The following LDLRAD4 variants were observed in gnomAD, a reference collection of about 807,000 sequenced individuals.
LDLRAD4 encodes the protein low density lipoprotein receptor class A domain containing 4.
In LDLRAD4, 5 loss-of-function variants were observed where a neutral mutation model predicts 17.0. The observed-to-expected ratio is 0.29, with a 90% CI of 0.15 to 0.62. LDLRAD4 has a LOEUF of 0.62. Ranked by LOEUF, LDLRAD4 falls within the 20% of genes least tolerant of loss-of-function variation. The pLI, the probability that LDLRAD4 is intolerant of heterozygous loss-of-function variation, is 0.84. For synonymous variants in LDLRAD4, 168 were observed against 171.8 expected (o/e 0.98, Z 0.17); for missense variants, 340 against 424.7 (o/e 0.80, Z 1.75).
At chr18:13,360,920 G>A (rs531295192) in intron 1 of LDLRAD4, among the ~76,000 whole-genome samples, 61 of 152,320 alleles carry the variant, frequency 4.0e-4, no homozygotes, top group Non-Finnish European at 6.8e-4. Context: ...CTCCAGAGGA[G>A]GAGGCAGATG....
intron 3 of LDLRAD4, among the ~76,000 whole-genome samples, chr18:13,554,875 A>G (rs2094468852): frequency 6.6e-6 from 1 of 152,238 alleles, no homozygotes; most frequent in Admixed American, 6.5e-5. Context: ...GCATGAAAGG[A>G]GGAAAGAGCA....
intron 1 of LDLRAD4, among the ~76,000 whole-genome samples, chr18:13,381,630 C>T (rs1349511215): frequency 6.6e-6 from 1 of 152,218 alleles, no homozygotes; most frequent in African/African-American, 2.4e-5. Flanking sequence ...GATCTTGAGA[C>T]TGACTGGCCG....
chr18:13,381,730 A>G (rs1224975651), intron 1 of LDLRAD4, among the ~76,000 whole-genome samples: 1 of 152,226 alleles, frequency 6.6e-6, no homozygotes, highest in Non-Finnish European at 1.5e-5. Context: ...TCCCAGCTCA[A>G]GTTGGAAATA....
At chr18:13,385,057 C>A (rs1002870882) in intron 1 of LDLRAD4, among the ~76,000 whole-genome samples, 2 of 152,198 alleles carry the variant, frequency 1.3e-5, no homozygotes, top group Admixed American at 6.5e-5. Context: ...TGAGGAACCT[C>A]CATACTGTTT....
intron 4 of LDLRAD4, among the ~76,000 whole-genome samples, chr18:13,639,003 TA>T: frequency 6.6e-6 from 1 of 152,228 alleles, no homozygotes; most frequent in South Asian, 2.1e-4. Flanking sequence ...TGGTTGTTAT[TA>T]CAAGGAAATA....
At chr18:13,608,213 A>G (rs2095243372) in intron 3 of LDLRAD4, among the ~76,000 whole-genome samples, 1 of 152,086 alleles carries the variant, frequency 6.6e-6, no homozygotes, top group Non-Finnish European at 1.5e-5. Context: ...AATCAAAACC[A>G]CAATGAGATA....
chr18:13,239,952 A>T (rs1179006632), intron 1 of LDLRAD4: 1 of 152,062 alleles, frequency 6.6e-6, no homozygotes, highest in Non-Finnish European at 1.5e-5. Context: ...ACTTCTGGGG[A>T]CCTCCTGGCA....
chr18:13,262,290 A>C (rs61052364), intron 1 of LDLRAD4, among the ~76,000 whole-genome samples: 2 of 130,148 alleles, frequency 1.5e-5, no homozygotes, highest in East Asian at 4.6e-4. Flanking sequence ...GTGCGTGGAA[A>C]CTGAGTCCCG....
intron 3 of LDLRAD4, among the ~76,000 whole-genome samples, chr18:13,494,095 G>A (rs1032303190): frequency 2.6e-5 from 4 of 152,222 alleles, no homozygotes; most frequent in Non-Finnish European, 5.9e-5. Flanking sequence ...CTCGACATGA[G>A]TTTGGGGAGA....
rs113400305 is a variant in LDLRAD4, at chr18:13,289,233, C to A, written c.-383+11045C>A. ...AAAGTAAAATTGTTCAGTTCCAGCA[C>A]GCATAATGGTTTAGTTCCTAGGGAC... On this transcript the variant is annotated intron_variant, in intron 1 of 5. Transcript: ENST00000359446. Among the ~76,000 whole-genome samples, 1,216 of 152,290 alleles carry A rather than the reference C, an allele frequency of 8.0e-3. 15 individuals carry two copies. Among genetic ancestry groups the A allele is most frequent in the African/African-American group, 0.027 (1,133 of 41,556 alleles).
intron 4 of LDLRAD4, among the ~76,000 whole-genome samples, chr18:13,631,150 C>T (rs899946450): frequency 3.3e-5 from 5 of 152,110 alleles, no homozygotes; most frequent in Admixed American, 6.5e-5. Context: ...AGACGACTGT[C>T]CTTTAATAAT....
chr18:13,414,544 A>G (rs1198261853), intron 2 of LDLRAD4, among the ~76,000 whole-genome samples: 1 of 152,270 alleles, frequency 6.6e-6, no homozygotes, highest in African/African-American at 2.4e-5. Context: ...ACTGGAGAAT[A>G]TGCTAAAGTC....
intron 3 of LDLRAD4, among the ~76,000 whole-genome samples, chr18:13,582,630 C>G (rs2094878851): frequency 1.3e-5 from 2 of 152,260 alleles, no homozygotes; most frequent in South Asian, 4.1e-4. Flanking sequence ...GGCCCACACC[C>G]TCCTCAGCCT....
intron 1 of LDLRAD4, among the ~76,000 whole-genome samples, chr18:13,260,947 T>C (rs925995130): frequency 3.9e-5 from 6 of 152,230 alleles, no homozygotes; most frequent in Non-Finnish European, 8.8e-5. Flanking sequence ...TTTTCTTCCA[T>C]TTGTTGGGAC....
intron 1 of LDLRAD4, among the ~76,000 whole-genome samples, chr18:13,358,587 G>A (rs1218393883): frequency 6.6e-6 from 1 of 152,034 alleles, no homozygotes; most frequent in Non-Finnish European, 1.5e-5. Flanking sequence ...CCTCAAATGT[G>A]ATAAATCAAA....
At chr18:13,224,255 C>T (rs1424872862) in intron 1 of LDLRAD4, among the ~76,000 whole-genome samples, 1 of 152,136 alleles carries the variant, frequency 6.6e-6, no homozygotes, top group Admixed American at 6.5e-5. Context: ...CTGGTATTGC[C>T]AGATATTTCT....
chr18:13,457,566 A>G (rs1378553247), intron 3 of LDLRAD4, among the ~76,000 whole-genome samples: 1 of 152,190 alleles, frequency 6.6e-6, no homozygotes, highest in East Asian at 1.9e-4. Context: ...GACAGAAAGG[A>G]CAGGAGAAGG....
At chr18:13,384,664 ACT>A (rs2085654460) in intron 1 of LDLRAD4, among the ~76,000 whole-genome samples, 2 of 152,122 alleles carry the variant, frequency 1.3e-5, no homozygotes, top group African/African-American at 4.8e-5. Context: ...ATCATGTAGT[ACT>A]TGTCTTTCAA....
At chr18:13,524,797 C>A (rs575510054) in intron 3 of LDLRAD4, among the ~76,000 whole-genome samples, 1 of 152,224 alleles carries the variant, frequency 6.6e-6, no homozygotes, top group African/African-American at 2.4e-5. Flanking sequence ...TTGCGTTTTT[C>A]TCCACATCAG....
Sources: gnomAD v4.1 joint callset for allele counts (sites outside exome capture counted in the v4.1 genomes callset) on GRCh38, gnomAD v4.1.1 for gene constraint, MANE v1.5 for transcripts, NCBI Gene and HGNC (gene_info 2026-07-23, HGNC 2026-07-21) for gene names.